The following DSTN variants were observed in gnomAD, a reference collection of about 807,000 sequenced individuals.
DSTN encodes destrin, actin depolymerizing factor, also known as destrin.
DSTN carries 10 observed loss-of-function variants against 16.8 expected under a neutral mutation model. The ratio of observed to expected loss-of-function variants is 0.60; its 90% CI spans 0.37 to 1.01. DSTN has a LOEUF of 1.01. DSTN is among the 50% of genes least tolerant of loss of function. DSTN has a pLI of 0.01. For synonymous variants in DSTN, 57 were observed against 58.9 expected (o/e 0.97, Z 0.14); for missense variants, 141 against 196.7 (o/e 0.72, Z 1.69).
At chr20:17,588,946 C>G (rs2035441586) in intron 1 of DSTN, among the ~76,000 whole-genome samples, 1 of 152,094 alleles carries the variant, frequency 6.6e-6, no homozygotes, top group Non-Finnish European at 1.5e-5. Context: ...TATCCTCTGA[C>G]TACTCCAGAA....
chr20:17,579,504 G>T (rs2035319857), intron 1 of DSTN, among the ~76,000 whole-genome samples: 1 of 152,126 alleles, frequency 6.6e-6, no homozygotes, highest in Non-Finnish European at 1.5e-5. Context: ...GATTGCTTGA[G>T]CCCAGGAGCT....
At chr20:17,582,762 G>A (rs529676775) in intron 1 of DSTN, among the ~76,000 whole-genome samples, 209 of 152,292 alleles carry the variant, frequency 1.4e-3, no homozygotes, top group African/African-American at 4.9e-3. Context: ...GAACACATAG[G>A]TATAAATCTC....
intron 1 of DSTN, among the ~76,000 whole-genome samples, chr20:17,575,793 G>T (rs936672101): frequency 4.6e-5 from 7 of 152,182 alleles, no homozygotes; most frequent in Admixed American, 2.6e-4. Context: ...CTCTCAAAGT[G>T]CTGGGATTAC....
At chr20:17,589,258 T>TC (rs912427597) in intron 1 of DSTN, among the ~76,000 whole-genome samples, 1 of 151,900 alleles carries the variant, frequency 6.6e-6, no homozygotes, top group African/African-American at 2.4e-5. Flanking sequence ...TCGCCCAGGC[T>TC]GGAGTGCAGT....
At chr20:17,605,203 G>A (rs1293596415) in intron 3 of DSTN, 6 of 456,176 alleles carry the variant, frequency 1.3e-5, no homozygotes, top group Non-Finnish European at 4.4e-6. Context: ...ACTTCAGCCA[G>A]GAGAAAATGT....
rs367803591 is a variant in DSTN at position 17,591,304 on chromosome 20, CTAT to C, written c.4-9427_4-9425del. Among the ~76,000 whole-genome samples, 10 of 150,354 alleles carry C rather than the reference CTAT, an allele frequency of 6.7e-5. No individual in the cohort carries two copies. The East Asian group carries it at 1.6e-3, about 23-fold the overall frequency. ...CCAAAATTAATACAAGAACTCTCAA[CTAT>C]TATTATAGATAAACTATTATTTAGT... On this transcript the variant is annotated intron_variant, in intron 1 of 3. Coordinates refer to ENST00000246069, the MANE Select transcript of DSTN (RefSeq NM_006870.4).
Position 17,570,179 on chromosome 20 carries a change from C to T in DSTN, c.-30C>T, listed in dbSNP as rs1447865444. The T allele has an allele frequency of 2.6e-6, 4 of 1,519,046 alleles. No individual in the cohort carries two copies. The African/African-American group carries it at 4.3e-5, about 16-fold the overall frequency. 94.1% of individuals were successfully genotyped at this position (1,519,046 alleles called of 1,614,324 possible). ...ATACTCGCTGCCCGCCGGCTCCCTC[C>T]CCCGCGTCCCTGCGACCGCCGCGGC... On this transcript the variant is annotated 5_prime_UTR_variant, in exon 1 of 4. Coordinates refer to ENST00000246069, the MANE Select transcript of DSTN (RefSeq NM_006870.4).
At chr20:17,581,157 G>A (rs566526938) in intron 1 of DSTN, among the ~76,000 whole-genome samples, 1 of 152,046 alleles carries the variant, frequency 6.6e-6, no homozygotes, top group Non-Finnish European at 1.5e-5. Context: ...GATGTGTAGA[G>A]ACATACAAAT....
intron 1 of DSTN, among the ~76,000 whole-genome samples, chr20:17,590,668 G>A (rs1040704322): frequency 1.3e-5 from 2 of 152,144 alleles, no homozygotes; most frequent in African/African-American, 4.8e-5. Context: ...ATCCTTTAAT[G>A]GTCTTTATTG....
Position 17,596,624 on chromosome 20 carries a change from G to A in DSTN, c.4-4114G>A. On this transcript the variant is annotated intron_variant, in intron 1 of 3. Transcript: ENST00000246069. ...TTCTTCTCTGAATATTTGTAATTGT[G>A]TCAAAATTGGTTTTCTGCTTCCAGT... 3 of 984,998 alleles carry A rather than the reference G, an allele frequency of 3.0e-6. No individual in the cohort carries two copies. The African/African-American group carries it at 5.3e-5, about 17-fold the overall frequency. The allele number at this position is 984,998 out of a possible 1,614,324, so 61.0% of individuals were successfully genotyped here.
intron 1 of DSTN, among the ~76,000 whole-genome samples, chr20:17,574,791 T>C (rs958262052): frequency 2.2e-4 from 32 of 148,626 alleles, no homozygotes; most frequent in African/African-American, 7.6e-4. Context: ...TAAACATGAC[T>C]GACTTTCTTT....
chr20:17,593,085 G>A (rs147803389), intron 1 of DSTN, among the ~76,000 whole-genome samples: 174 of 152,278 alleles, frequency 1.1e-3, no homozygotes, highest in African/African-American at 3.8e-3. Flanking sequence ...AACCTGGTGC[G>A]AGTCTCCAGT....
intron 2 of DSTN, among the ~76,000 whole-genome samples, chr20:17,602,423 G>T (rs543370231): frequency 6.6e-6 from 1 of 152,150 alleles, no homozygotes; most frequent in African/African-American, 2.4e-5. Flanking sequence ...TTTTAAATTG[G>T]TCGGTATTTC....
intron 1 of DSTN, among the ~76,000 whole-genome samples, chr20:17,573,805 C>T (rs1045695135): frequency 2.0e-5 from 3 of 151,696 alleles, no homozygotes; most frequent in Non-Finnish European, 4.4e-5. Context: ...GGTTTTTACA[C>T]GCATGCTGCA....
chr20:17,576,076 A>T (rs1419641364), intron 1 of DSTN: 2 of 152,220 alleles, frequency 1.3e-5, no homozygotes, highest in Non-Finnish European at 2.9e-5. Flanking sequence ...TAGACAAATA[A>T]ACATCGGTTT....
intron 1 of DSTN, among the ~76,000 whole-genome samples, chr20:17,582,874 T>C (rs2035361811): frequency 6.6e-6 from 1 of 152,134 alleles, no homozygotes; most frequent in African/African-American, 2.4e-5. Flanking sequence ...TGGACTTCAT[T>C]GTATTCAAAA....
intron 1 of DSTN, among the ~76,000 whole-genome samples, chr20:17,574,403 CCTT>C (rs1177682897): frequency 1.3e-5 from 2 of 152,110 alleles, no homozygotes; most frequent in African/African-American, 4.8e-5. Flanking sequence ...AGAGTTCTTT[CCTT>C]CTTTGCCAAG....
chr20:17,608,730 T>C lies in DSTN; in HGVS notation c.*1584T>C, dbSNP rs1378574418. On this transcript the variant is annotated 3_prime_UTR_variant, in exon 4 of 4. Transcript: ENST00000246069. The stretch of plus-strand genomic sequence containing the variant: ...TAAGTGTAATAAATATTATACAAAA[T>C]TATAAATTCACATTTAAAATTTAGA... 2 of 151,966 alleles carry C rather than the reference T, an allele frequency of 1.3e-5. No individual in the cohort carries two copies. Among genetic ancestry groups the C allele is most frequent in the Non-Finnish European group, 2.9e-5 (2 of 68,006 alleles). The allele number at this position is 151,966 out of a possible 1,614,324, so 9.4% of individuals were successfully genotyped here. A position where few individuals can be genotyped will look rare whatever the true frequency, so the allele number is the denominator to read the frequency against.
chr20:17,605,570 T>C (rs970752549), intron 3 of DSTN, among the ~76,000 whole-genome samples: 1 of 152,226 alleles, frequency 6.6e-6, no homozygotes, highest in Non-Finnish European at 1.5e-5. Flanking sequence ...TCTTGCTTCC[T>C]TTCCCGAGCC....
Sources: gnomAD v4.1 joint callset for allele counts (sites outside exome capture counted in the v4.1 genomes callset) on GRCh38, gnomAD v4.1.1 for gene constraint, MANE v1.5 for transcripts, NCBI Gene and HGNC (gene_info 2026-07-23, HGNC 2026-07-21) for gene names.